The following MROH1 variants were observed in gnomAD, a reference collection of about 807,000 sequenced individuals.
The protein encoded by MROH1 is maestro heat like repeat family member 1.
In MROH1, 117 loss-of-function variants were observed where a neutral mutation model predicts 116.5. The observed-to-expected ratio is 1.00, with a 90% CI of 0.86 to 1.17. The LOEUF is 1.17. Among genes scored for constraint, MROH1 ranks in the 50% most tolerant of loss-of-function variants. The probability of loss-of-function intolerance (pLI) is 0.00; values close to 1 mark genes in which losing one functional copy is unlikely to be tolerated. For missense variants in MROH1, 1,873 were observed against 1,338.5 expected, an observed-to-expected ratio of 1.40 and a Z score of -6.23; for synonymous variants, 921 against 583.9, an observed-to-expected ratio of 1.58 and a Z score of -8.32.
intron 28 of MROH1, 52 bp downstream of exon 28, chr8:144,244,591 T>A (rs1432201095): frequency 1.4e-6 from 1 of 719,442 alleles, no homozygotes; most frequent in Non-Finnish European, 2.6e-6. Flanking sequence ...CAGAGGGCAC[T>A]CCACCTGGCT....
chr8:144,247,170 C>A, intron 29 of MROH1, 131 bp from the exon 30 acceptor site: 1 of 670,610 alleles, frequency 1.5e-6, no homozygotes, highest in Non-Finnish European at 2.7e-6. Flanking sequence ...GTTGGCCACA[C>A]TGAGGGCCCA....
At chr8:144,237,917 T>C (rs1286155350) in intron 14 of MROH1, among the ~76,000 whole-genome samples, 7 of 152,214 alleles carry the variant, frequency 4.6e-5, no homozygotes, top group African/African-American at 1.7e-4. Flanking sequence ...GCAGTTTCTA[T>C]TTGGTTTCTT....
chr8:144,230,802 CTT>C (rs1161687289), intron 14 of MROH1, among the ~76,000 whole-genome samples: 705 of 68,588 alleles, frequency 0.01, 6 homozygotes, highest in African/African-American at 0.033. Context: ...AAAAGGTTTT[CTT>C]TTTTTTTTTT....
chr8:144,234,288 G>C (rs1554823839), intron 14 of MROH1, among the ~76,000 whole-genome samples: 3 of 152,194 alleles, frequency 2.0e-5, no homozygotes, highest in African/African-American at 7.2e-5. Flanking sequence ...GAATTAAGGC[G>C]TGAGCCACCG....
intron 12 of MROH1, among the ~76,000 whole-genome samples, chr8:144,206,694 GATT>G (rs2132000878): frequency 6.7e-6 from 1 of 149,940 alleles, no homozygotes; most frequent in African/African-American, 2.4e-5. Context: ...AAAGTGCTGG[GATT>G]ATAGGCATGA....
At chr8:144,177,287 C>T (rs1824241197) in intron 4 of MROH1, among the ~76,000 whole-genome samples, 2 of 152,214 alleles carry the variant, frequency 1.3e-5, no homozygotes, top group Admixed American at 6.5e-5. Context: ...CCACGTGCGG[C>T]ACGTGTATGT....
At chr8:144,258,282 G>T (rs962407232) in intron 35 of MROH1, among the ~76,000 whole-genome samples, 1 of 152,132 alleles carries the variant, frequency 6.6e-6, no homozygotes, top group Non-Finnish European at 1.5e-5. Flanking sequence ...TCCAGCTCTC[G>T]GCACCATCCT....
At chr8:144,185,866 G>T (rs1275359983) in intron 7 of MROH1, among the ~76,000 whole-genome samples, 1 of 130,846 alleles carries the variant, frequency 7.6e-6, no homozygotes, top group Admixed American at 7.6e-5. Flanking sequence ...GCGGTGAGGG[G>T]CAGTGCAGGG....
intron 1 of MROH1, among the ~76,000 whole-genome samples, 180 bp downstream of exon 1, chr8:144,148,256 G>T (rs1023527504): frequency 6.6e-6 from 1 of 152,186 alleles, no homozygotes; most frequent in East Asian, 1.9e-4. Flanking sequence ...CGGGGACCTC[G>T]GCTCAGGTGT....
At chr8:144,211,951 C>T (rs1351143438) in intron 12 of MROH1, among the ~76,000 whole-genome samples, 9 of 152,190 alleles carry the variant, frequency 5.9e-5, no homozygotes, top group African/African-American at 2.2e-4. Flanking sequence ...CCCTCTGATA[C>T]GGCCCTGCTG....
At chr8:144,259,143 G>T in intron 36 of MROH1, 97 bp from the exon 37 acceptor site, 1 of 695,562 alleles carries the variant, frequency 1.4e-6, no homozygotes, top group South Asian at 1.5e-5. Flanking sequence ...CCTGGCAGCT[G>T]GCGGTGGAGC....
chr8:144,205,101 G>T (rs892085934), intron 12 of MROH1, among the ~76,000 whole-genome samples: 4 of 152,118 alleles, frequency 2.6e-5, no homozygotes, highest in African/African-American at 9.7e-5. Context: ...TGTTGCCCAG[G>T]CTGGTCTCCA....
At chr8:144,166,714 G>A (rs755173407) in intron 3 of MROH1, among the ~76,000 whole-genome samples, 17 of 152,066 alleles carry the variant, frequency 1.1e-4, no homozygotes, top group Admixed American at 6.5e-4. Flanking sequence ...GGGCTGGGGC[G>A]CCGCCCAGCC....
chr8:144,206,064 T>TCACA (rs1383328495), intron 12 of MROH1, among the ~76,000 whole-genome samples: 6 of 152,200 alleles, frequency 3.9e-5, no homozygotes, highest in Admixed American at 2.6e-4. Context: ...TTTTATGAGG[T>TCACA]CACAGCGCAG....
chr8:144,171,782 C>A (rs150727307), intron 4 of MROH1, among the ~76,000 whole-genome samples: 6 of 152,342 alleles, frequency 3.9e-5, no homozygotes, highest in African/African-American at 1.4e-4. Context: ...CTGACCATCA[C>A]CTGATGACCG....
chr8:144,185,495 A>G (rs1336684814), intron 7 of MROH1, among the ~76,000 whole-genome samples: 2 of 145,272 alleles, frequency 1.4e-5, no homozygotes, highest in African/African-American at 5.2e-5. Context: ...AATAGATGTG[A>G]GGACAGCGAG....
intron 4 of MROH1, chr8:144,174,898 C>T (rs1350213191): frequency 9.1e-6 from 9 of 985,282 alleles, no homozygotes; most frequent in Non-Finnish European, 1.1e-5. Context: ...GCACTGAGCA[C>T]TCAATCACCA....
At position 144,255,717 on chromosome 8, in the gene MROH1, C is replaced by T. The variant is rs1554832601; in HGVS notation, c.3791+12C>T. 6 of 743,694 alleles carry T rather than the reference C, an allele frequency of 8.1e-6. No individual in the cohort carries two copies. The highest frequency in any genetic ancestry group is 1.4e-5 in the South Asian group (1 of 69,670). 46.1% of individuals were successfully genotyped at this position (743,694 alleles called of 1,614,324 possible). A position where few individuals can be genotyped will look rare whatever the true frequency, so the allele number is the denominator to read the frequency against. On this transcript the variant is annotated intron_variant, in intron 35 of 43. Transcript: ENST00000326134. The stretch of plus-strand genomic sequence containing the variant: ...CTGGAACCCTGCAGGTATCTGGGTC[C>T]CCACTTCCCACCTCCAGTACTGATT...
chr8:144,235,751 A>G (rs1839933325), intron 14 of MROH1, among the ~76,000 whole-genome samples: 1 of 152,034 alleles, frequency 6.6e-6, no homozygotes, highest in African/African-American at 2.4e-5. Context: ...TTTGTTGAGG[A>G]TTTTCATGTC....
Sources: allele counts gnomAD v4.1 joint callset (sites outside exome capture counted in the v4.1 genomes callset), GRCh38; gene constraint gnomAD v4.1.1; transcripts MANE v1.5; gene names NCBI Gene and HGNC (gene_info 2026-07-23, HGNC 2026-07-21).